NALCN: variants seen among roughly 807,000 people sequenced by gnomAD.
NALCN encodes the protein sodium leak channel NALCN.
Under a neutral mutation model 225.3 loss-of-function variants are expected in NALCN, and 111 were observed. The observed-to-expected ratio is 0.49, with a 90% CI of 0.42 to 0.58. NALCN has a LOEUF of 0.58. Ranked by LOEUF, NALCN falls within the 20% of genes least tolerant of loss-of-function variation. NALCN has a pLI of 0.00. For synonymous variants in NALCN, 764 were observed against 769.0 expected (o/e 0.99, Z 0.11); for missense variants, 1,378 against 2,202.4 (o/e 0.63, Z 7.49).
At chr13:101,333,872 CGTGA>C (rs1458316547) in intron 7 of NALCN, among the ~76,000 whole-genome samples, 1 of 152,114 alleles carries the variant, frequency 6.6e-6, no homozygotes, top group African/African-American at 2.4e-5. Flanking sequence ...ATTTGTTTCA[CGTGA>C]GTATCTGGCT....
intron 4 of NALCN, among the ~76,000 whole-genome samples, chr13:101,378,196 AATT>A (rs2046747987): frequency 1.3e-5 from 2 of 152,080 alleles, no homozygotes; most frequent in African/African-American, 4.8e-5. Flanking sequence ...ATTGAGAAAT[AATT>A]CACAATCATA....
intron 12 of NALCN, among the ~76,000 whole-genome samples, chr13:101,235,602 A>T (rs778225715): frequency 6.6e-6 from 1 of 152,216 alleles, no homozygotes; most frequent in Non-Finnish European, 1.5e-5. Flanking sequence ...AGTTTTAAAC[A>T]TGTATATCTC....
intron 13 of NALCN, among the ~76,000 whole-genome samples, chr13:101,193,187 A>T (rs970667589): frequency 2.0e-5 from 3 of 151,506 alleles, no homozygotes; most frequent in Non-Finnish European, 4.4e-5. Flanking sequence ...AATTTCTGGC[A>T]CTAATAGAAG....
At position 101,107,489 on chromosome 13, in the gene NALCN, G is replaced by T. The variant is rs139541927; in HGVS notation, c.2577C>A (p.Asn859Lys). ...FCRVVVRARF[N>K]ASKTDPVTGA... Reference sequence around the variant, plus strand: ...TGGCTGAAATGAAGTGTACTTACGCGTTGAAGCGTGCTCGGACCACCACCC... The same window carrying T: ...TGGCTGAAATGAAGTGTACTTACGCTTTGAAGCGTGCTCGGACCACCACCC... The change falls in exon 22 of 44, where the codon AAC becomes AAA. Residue 859 changes from asparagine to lysine, a missense_variant and splice_region_variant. Asn to Lys is a moderately conservative substitution (Grantham distance 94). Transcript: ENST00000251127. The T allele has an allele frequency of 6.2e-7, 1 of 1,614,050 alleles. No individual in the cohort carries two copies. Among genetic ancestry groups the T allele is most frequent in the Non-Finnish European group, 8.5e-7 (1 of 1,179,942 alleles).
chr13:101,175,810 C>T (rs184766577), intron 15 of NALCN, among the ~76,000 whole-genome samples: 93 of 152,258 alleles, frequency 6.1e-4, no homozygotes, highest in Non-Finnish European at 3.2e-4. Context: ...GATGACATCC[C>T]GTCTGTTTTC....
chr13:101,304,958 T>C (rs1422199390), intron 7 of NALCN, among the ~76,000 whole-genome samples: 2 of 151,888 alleles, frequency 1.3e-5, no homozygotes, highest in Non-Finnish European at 2.9e-5. Context: ...GGTTTCACCA[T>C]GTTGGCCAGA....
chr13:101,347,555 T>C (rs1476410058), intron 6 of NALCN, among the ~76,000 whole-genome samples: 2 of 152,186 alleles, frequency 1.3e-5, no homozygotes, highest in African/African-American at 4.8e-5. Flanking sequence ...GTGGTACAAA[T>C]ACTATGAACC....
At chr13:101,286,827 C>A (rs1413444505) in intron 9 of NALCN, among the ~76,000 whole-genome samples, 1 of 150,790 alleles carries the variant, frequency 6.6e-6, no homozygotes, top group East Asian at 2.0e-4. Flanking sequence ...CCAGAGACAC[C>A]ACCACTAACA....
At chr13:101,389,274 A>AT (rs775163093) in intron 3 of NALCN, among the ~76,000 whole-genome samples, 1 of 152,224 alleles carries the variant, frequency 6.6e-6, no homozygotes, top group Non-Finnish European at 1.5e-5. Flanking sequence ...TGCTGAGCAG[A>AT]TATCTCAGAA....
chr13:101,319,952 T>C (rs773847052), intron 7 of NALCN, among the ~76,000 whole-genome samples: 33 of 152,290 alleles, frequency 2.2e-4, no homozygotes, highest in Non-Finnish European at 4.3e-4. Context: ...TAAAAATCAA[T>C]CTCAAACACA....
At chr13:101,382,757 G>C (rs2046885876) in intron 3 of NALCN, among the ~76,000 whole-genome samples, 1 of 152,120 alleles carries the variant, frequency 6.6e-6, no homozygotes. Flanking sequence ...ATGTAATGTA[G>C]AAAACTTTCT....
At position 101,416,338 on chromosome 13, in the gene NALCN, C is replaced by A; in HGVS notation, c.-65G>T. ...CTGTAACCCCAGCGCTCAGAGCTGT[C>A]ATGGTGCCCGCGGGCGGCGGCGGCG... On this transcript the variant is annotated 5_prime_UTR_variant, in exon 1 of 44. It removes an upstream start codon present in the reference 5' UTR. Transcript: ENST00000251127. The A allele has an allele frequency of 6.5e-6, 1 of 152,802 alleles. No homozygotes were observed. The highest frequency in any genetic ancestry group is 2.0e-4 in the South Asian group (1 of 5,018). 9.5% of individuals were successfully genotyped at this position (152,802 alleles called of 1,614,324 possible). A position where few individuals can be genotyped will look rare whatever the true frequency, so the allele number is the denominator to read the frequency against.
At chr13:101,304,786 T>C (rs2044099306) in intron 7 of NALCN, among the ~76,000 whole-genome samples, 1 of 141,610 alleles carries the variant, frequency 7.1e-6, no homozygotes, top group African/African-American at 2.7e-5. Flanking sequence ...AGACGGAATC[T>C]TGCTCTGTTG....
chr13:101,321,963 A>G (rs550912229), intron 7 of NALCN, among the ~76,000 whole-genome samples: 1 of 152,322 alleles, frequency 6.6e-6, no homozygotes, highest in African/African-American at 2.4e-5. Flanking sequence ...TTTAAATTCA[A>G]GAAATATATG....
At chr13:101,109,562 G>A (rs1382241030) in intron 20 of NALCN, among the ~76,000 whole-genome samples, 3 of 152,142 alleles carry the variant, frequency 2.0e-5, no homozygotes, top group Non-Finnish European at 4.4e-5. Context: ...ACTTTCTCTT[G>A]CTAGCCCTCC....
chr13:101,185,902 T>A (rs190656634), intron 14 of NALCN, among the ~76,000 whole-genome samples: 1 of 152,218 alleles, frequency 6.6e-6, no homozygotes, highest in Admixed American at 6.5e-5. Flanking sequence ...ACTTTTTTTT[T>A]CCCTTCTCAC....
At chr13:101,253,273 C>A (rs2042115330) in intron 11 of NALCN, among the ~76,000 whole-genome samples, 1 of 152,084 alleles carries the variant, frequency 6.6e-6, no homozygotes, top group South Asian at 2.1e-4. Context: ...AGCTAAGTAT[C>A]TTAATTTATT....
In NALCN at chr13:101,395,314, A is replaced by T. The variant is rs1014742616; in HGVS notation, c.160T>A (p.Cys54Ser). ...TCGAAGGTCATTGGCGTATTCATACAAACAGAAATGACGCTGATGATGGCA... is the reference window on the plus strand; with the variant it reads ...TCGAAGGTCATTGGCGTATTCATACTAACAGAAATGACGCTGATGATGGCA... ...ICAIISVISV[C>S]MNTPMTFEHY... Residue 54 changes from cysteine (C) to serine (S), a missense_variant, in exon 3 of 44, where the codon TGT becomes AGT. Coordinates refer to ENST00000251127, the MANE Select transcript of NALCN (RefSeq NM_052867.4). The T allele has an allele frequency of 1.2e-6, 2 of 1,614,104 alleles. No individual in the cohort carries two copies. Among genetic ancestry groups the T allele is most frequent in the African/African-American group, 2.7e-5 (2 of 75,038 alleles).
At chr13:101,349,497 G>A (rs1490089840) in intron 6 of NALCN, among the ~76,000 whole-genome samples, 3 of 152,148 alleles carry the variant, frequency 2.0e-5, no homozygotes, top group Admixed American at 6.6e-5. Flanking sequence ...AATTATCCAG[G>A]TGGACCCAAC....
Sources: gnomAD v4.1 joint callset for allele counts (sites outside exome capture counted in the v4.1 genomes callset) on GRCh38, gnomAD v4.1.1 for gene constraint, MANE v1.5 for transcripts, NCBI Gene and HGNC (gene_info 2026-07-23, HGNC 2026-07-21) for gene names.